Variants in ATP13A5 observed in about 807,000 individuals in gnomAD.
ATP13A5 encodes ATPase 13A5, also known as probable cation-transporting ATPase 13A5.
ATP13A5 carries 149 observed loss-of-function variants against 150.2 expected under a neutral mutation model. The observed-to-expected ratio is 0.99, with a 90% CI of 0.87 to 1.14. ATP13A5 has a LOEUF of 1.14. Among genes scored for constraint, ATP13A5 ranks in the 50% most tolerant of loss-of-function variants. ATP13A5 has a pLI of 0.00. For missense variants in ATP13A5, 1,383 were observed against 1,449.3 expected (o/e 0.95, Z 0.74); for synonymous variants, 497 against 522.2 (o/e 0.95, Z 0.66).
intron 6 of ATP13A5, among the ~76,000 whole-genome samples, chr3:193,353,714 C>T (rs535157683): frequency 1.7e-3 from 261 of 152,304 alleles, no homozygotes; most frequent in Admixed American, 7.4e-3. Context: ...GTAGTCTGCA[C>T]GCCCAGAAAT....
At chr3:193,355,830 G>C (rs931284121) in intron 5 of ATP13A5, among the ~76,000 whole-genome samples, 1 of 152,054 alleles carries the variant, frequency 6.6e-6, no homozygotes, top group African/African-American at 2.4e-5. Context: ...CCCCAAACTC[G>C]GTCCTCCATT....
Position 193,363,269 on chromosome 3 carries a change from G to T in ATP13A5, c.351C>A (p.Val117=), listed in dbSNP as rs972057773. ...CTGGCTTTATTAAGGCTTGGTTTAT[G>T]ACAGAGTGGCGGTCAGCCACCAGGG... ...EESLVADRHS[V]INQALIKPEL... Residue 117 remains valine, a synonymous_variant, in exon 3 of 30, where the codon GTC becomes GTA. Coordinates refer to ENST00000342358, the MANE Select transcript of ATP13A5 (RefSeq NM_198505.4). The T allele has an allele frequency of 6.2e-7, 1 of 1,613,878 alleles. No individual in the cohort carries two copies. Among genetic ancestry groups the T allele is most frequent in the South Asian group, 1.1e-5 (1 of 91,048 alleles).
chr3:193,337,203 C>T (rs1429322933), intron 9 of ATP13A5, among the ~76,000 whole-genome samples: 56 of 152,112 alleles, frequency 3.7e-4, no homozygotes, highest in South Asian at 1.9e-3. Flanking sequence ...TTCACTCTGA[C>T]GGTAGTTTCT....
intron 11 of ATP13A5, among the ~76,000 whole-genome samples, chr3:193,332,965 T>C (rs965049420): frequency 2.6e-5 from 4 of 152,170 alleles, no homozygotes; most frequent in Non-Finnish European, 5.9e-5. Context: ...CTTGACATTC[T>C]GCCTAGCTCT....
At chr3:193,289,064 T>A (rs1302938615) in intron 26 of ATP13A5, among the ~76,000 whole-genome samples, 1 of 152,198 alleles carries the variant, frequency 6.6e-6, no homozygotes, top group Non-Finnish European at 1.5e-5. Context: ...TTTATCTAAA[T>A]GACAATCTGA....
chr3:193,371,389 T>C (rs766589796), intron 1 of ATP13A5, among the ~76,000 whole-genome samples: 2 of 152,204 alleles, frequency 1.3e-5, no homozygotes, highest in Non-Finnish European at 2.9e-5. Context: ...GGTGTATTAG[T>C]TTTCTGTTGC....
intron 27 of ATP13A5, chr3:193,281,204 C>A: frequency 1.0e-6 from 1 of 985,278 alleles, no homozygotes; most frequent in African/African-American, 1.7e-5. Flanking sequence ...TTTGGAGTCC[C>A]AGGAACGCAG....
chr3:193,322,284 A>G (rs1719309443), intron 15 of ATP13A5, among the ~76,000 whole-genome samples: 1 of 152,200 alleles, frequency 6.6e-6, no homozygotes, highest in African/African-American at 2.4e-5. Context: ...TTTATCTGCT[A>G]GCACCTAGCA....
Position 193,331,303 on chromosome 3 carries a change from TGGAGGAACCTGGGAGAG to T in ATP13A5, c.1273-9_1280del. ...TCAGGGCCATGGTCACAGTATCTTT[TGGAGGAACCTGGGAGAG>T]GACAGACATTTTCATACAGGATAGC... On this transcript the variant is annotated splice_acceptor_variant and splice_polypyrimidine_tract_variant and coding_sequence_variant and intron_variant, in exon 12 of 30. Transcript: ENST00000342358. LOFTEE classifies it high-confidence loss of function. 1 of 1,612,792 alleles carries T rather than the reference TGGAGGAACCTGGGAGAG, an allele frequency of 6.2e-7. No homozygotes were observed. Among genetic ancestry groups the T allele is most frequent in the Non-Finnish European group, 8.5e-7 (1 of 1,179,654 alleles).
At chr3:193,308,953 T>C (rs796232857) in intron 21 of ATP13A5, among the ~76,000 whole-genome samples, 8 of 152,308 alleles carry the variant, frequency 5.3e-5, no homozygotes, top group African/African-American at 1.9e-4. Context: ...TGGAAGTTAA[T>C]AGGCAGTTTG....
intron 16 of ATP13A5, among the ~76,000 whole-genome samples, chr3:193,320,659 A>G (rs1489469647): frequency 3.9e-5 from 6 of 152,250 alleles, no homozygotes. Flanking sequence ...CCCAATAGAG[A>G]AGTTAAAGGA....
chr3:193,362,494 A>G, intron 4 of ATP13A5, 33 bp from the exon 5 acceptor site: 1 of 1,613,040 alleles, frequency 6.2e-7, no homozygotes, highest in Non-Finnish European at 8.5e-7. Flanking sequence ...ACCACACTTC[A>G]GTTCATAGCA....
At chr3:193,320,085 C>A (rs777957824) in intron 16 of ATP13A5, among the ~76,000 whole-genome samples, 6 of 152,152 alleles carry the variant, frequency 3.9e-5, no homozygotes, top group Non-Finnish European at 7.3e-5. Context: ...TTATAACGTA[C>A]CTATAAGGGT....
intron 13 of ATP13A5, 107 bp downstream of exon 13, chr3:193,326,889 G>T: frequency 3.2e-6 from 3 of 928,650 alleles, no homozygotes; most frequent in East Asian, 2.6e-5. Flanking sequence ...GCCAACTATT[G>T]TATATATTTT....
chr3:193,356,617 A>G (rs1029894416), intron 5 of ATP13A5, among the ~76,000 whole-genome samples: 1 of 152,258 alleles, frequency 6.6e-6, no homozygotes, highest in South Asian at 2.1e-4. Context: ...AGAAAAATAC[A>G]TAAAGCATTT....
At chr3:193,346,227 T>C (rs918424925) in intron 7 of ATP13A5, among the ~76,000 whole-genome samples, 2 of 152,168 alleles carry the variant, frequency 1.3e-5, no homozygotes, top group African/African-American at 4.8e-5. Context: ...TAGTGATTCA[T>C]AAGAAAGTTG....
intron 17 of ATP13A5, among the ~76,000 whole-genome samples, chr3:193,316,629 T>C (rs1168755657): frequency 6.6e-6 from 1 of 152,162 alleles, no homozygotes; most frequent in African/African-American, 2.4e-5. Context: ...TTTGGAGAAA[T>C]GTCTATTCAG....
Position 193,290,067 on chromosome 3 carries a change from A to T in ATP13A5, c.2849-8T>A. 1 of 1,590,144 alleles carries T rather than the reference A, an allele frequency of 6.3e-7. No homozygotes were observed. The highest frequency in any genetic ancestry group is 1.2e-5 in the South Asian group (1 of 86,618). On this transcript the variant is annotated splice_region_variant and splice_polypyrimidine_tract_variant and intron_variant, in intron 25 of 29. Coordinates refer to ENST00000342358, the MANE Select transcript of ATP13A5 (RefSeq NM_198505.4). ...AGGCATGAGTTGAACTCACTGAAAG[A>T]CAAATACATTTTTTTCCTATTACAA...
At chr3:193,336,099 T>C (rs1254992088) in intron 9 of ATP13A5, among the ~76,000 whole-genome samples, 1 of 152,208 alleles carries the variant, frequency 6.6e-6, no homozygotes, top group Non-Finnish European at 1.5e-5. Flanking sequence ...GAAATAGTAT[T>C]ATATCAATCA....
Sources: allele counts gnomAD v4.1 joint callset (sites outside exome capture counted in the v4.1 genomes callset), GRCh38; gene constraint gnomAD v4.1.1; transcripts MANE v1.5; gene names NCBI Gene and HGNC (gene_info 2026-07-23, HGNC 2026-07-21).